Variants in ABHD6 observed in about 807,000 individuals in gnomAD.
ABHD6 encodes monoacylglycerol lipase ABHD6.
Under a neutral mutation model 38.8 loss-of-function variants are expected in ABHD6, and 33 were observed. That is an observed-to-expected ratio of 0.85 (90% CI 0.64 to 1.14). The LOEUF is 1.14. Among genes scored for constraint, ABHD6 ranks in the 50% most tolerant of loss-of-function variants. The probability of loss-of-function intolerance (pLI) is 0.00; values close to 1 mark genes in which losing one functional copy is unlikely to be tolerated. For synonymous variants in ABHD6, 147 were observed against 161.6 expected (o/e 0.91, Z 0.69); for missense variants, 380 against 422.6 (o/e 0.90, Z 0.88).
chr3:58,264,387 G>T, intron 3 of ABHD6, among the ~76,000 whole-genome samples: 1 of 132,322 alleles, frequency 7.6e-6, no homozygotes, highest in African/African-American at 2.9e-5. Flanking sequence ...TTATATAAAC[G>T]CACACACACA....
chr3:58,240,622 T>C (rs2097422121), intron 1 of ABHD6, among the ~76,000 whole-genome samples: 1 of 151,994 alleles, frequency 6.6e-6, no homozygotes, highest in Non-Finnish European at 1.5e-5. Context: ...TGGAGTGCAG[T>C]GGAGCAATCT....
In ABHD6 at chr3:58,251,773, G is replaced by A. The variant is rs566700557; in HGVS notation, c.-26+1831G>A. Among the ~76,000 whole-genome samples, 1 of 152,146 alleles carries A rather than the reference G, an allele frequency of 6.6e-6. No individual in the cohort carries two copies. Among genetic ancestry groups the A allele is most frequent in the Admixed American group, 6.5e-5 (1 of 15,278 alleles). ...TGTGCCGCAGTGTCTTTAACCCTGG[G>A]GTGCCTCACTTTACACGATAAATAG... On this transcript the variant is annotated intron_variant, in intron 2 of 9. Coordinates refer to ENST00000478253, the MANE Select transcript of ABHD6 (RefSeq NM_001320126.2). The surrounding 1 kb of genome is among the most constrained non-coding windows in gnomAD (Gnocchi z 5.4).
At chr3:58,278,686 T>C (rs1426136968) in intron 7 of ABHD6, among the ~76,000 whole-genome samples, 2 of 152,236 alleles carry the variant, frequency 1.3e-5, no homozygotes, top group African/African-American at 4.8e-5. Context: ...CTTTTAATTG[T>C]GATGTTAGGG....
chr3:58,278,002 T>C (rs558586093), intron 7 of ABHD6, among the ~76,000 whole-genome samples: 3 of 152,196 alleles, frequency 2.0e-5, no homozygotes, highest in Non-Finnish European at 4.4e-5. Flanking sequence ...CTGGATTCGG[T>C]TTGCCAGTAT....
intron 6 of ABHD6, among the ~76,000 whole-genome samples, chr3:58,272,527 CGAAGA>C (rs563099976): frequency 1.1e-4 from 16 of 152,100 alleles, no homozygotes; most frequent in Non-Finnish European, 2.2e-4. Flanking sequence ...ACATTGAAAT[CGAAGA>C]GAAGACACCA....
chr3:58,248,440 G>A (rs1359589544), intron 1 of ABHD6, among the ~76,000 whole-genome samples: 3 of 152,194 alleles, frequency 2.0e-5, no homozygotes, highest in Non-Finnish European at 2.9e-5. Flanking sequence ...GCTCACGCCT[G>A]TAATCCCAGC....
chr3:58,256,108 C>G lies in ABHD6; in HGVS notation c.-25-454C>G, dbSNP rs71619229. On this transcript the variant is annotated intron_variant, in intron 2 of 9. Coordinates refer to ENST00000478253, the MANE Select transcript of ABHD6 (RefSeq NM_001320126.2). This position sits in a 1 kb window ranked among gnomAD's most constrained non-coding sequence, Gnocchi z 4.3. ...ACACACACACACACACACACACACACATACACACACTACTTTTTCTCTCCT... is the reference window on the plus strand; with the variant it reads ...ACACACACACACACACACACACACAGATACACACACTACTTTTTCTCTCCT... Among the ~76,000 whole-genome samples the G allele has an allele frequency of 1.5e-5, 1 of 64,550 alleles. No individual in the cohort carries two copies. The highest frequency in any genetic ancestry group is 2.8e-5 in the Non-Finnish European group (1 of 35,804). 42.3% of individuals were successfully genotyped at this position (64,550 alleles called of 152,430 possible). A position where few individuals can be genotyped will look rare whatever the true frequency, so the allele number is the denominator to read the frequency against.
chr3:58,288,470 T>C (rs1302432003), intron 9 of ABHD6, among the ~76,000 whole-genome samples: 1 of 152,164 alleles, frequency 6.6e-6, no homozygotes, highest in Non-Finnish European at 1.5e-5. Flanking sequence ...GGGAGGGCCA[T>C]CTAGAGACAG....
chr3:58,288,466 G>A (rs1441101606), intron 9 of ABHD6, among the ~76,000 whole-genome samples: 2 of 152,160 alleles, frequency 1.3e-5, no homozygotes, highest in Non-Finnish European at 2.9e-5. Flanking sequence ...AAATGGGAGG[G>A]CCATCTAGAG....
rs914676849 is a variant in ABHD6, at chr3:58,273,550, A to G, written c.524-1108A>G. Among the ~76,000 whole-genome samples, 2 of 152,206 alleles carry G rather than the reference A, an allele frequency of 1.3e-5. No individual in the cohort carries two copies. The highest frequency in any genetic ancestry group is 4.8e-5 in the African/African-American group (2 of 41,442). ...CCATGGAATACTATGCAGCCATAAA[A>G]AAGAATGATTTCATGTCCTTTGCAA... On this transcript the variant is annotated intron_variant, in intron 6 of 9. Transcript: ENST00000478253. The surrounding 1 kb of genome is among the most constrained non-coding windows in gnomAD (Gnocchi z 4.8).
At chr3:58,284,874 T>TATA (rs745341481) in intron 7 of ABHD6, among the ~76,000 whole-genome samples, 53 of 152,096 alleles carry the variant, frequency 3.5e-4, no homozygotes, top group Admixed American at 1.7e-3. Flanking sequence ...CAAGTTCCTT[T>TATA]ATAATAATAA....
intron 3 of ABHD6, among the ~76,000 whole-genome samples, chr3:58,258,162 C>G (rs949951629): frequency 6.6e-6 from 1 of 151,998 alleles, no homozygotes; most frequent in Admixed American, 6.6e-5. Context: ...ACAAAATTAG[C>G]TAGGCGTGGT....
In ABHD6 at chr3:58,257,543, A is replaced by G. The variant is rs1041140370; in HGVS notation, c.119+838A>G. On this transcript the variant is annotated intron_variant, in intron 3 of 9. Transcript: ENST00000478253. The surrounding 1 kb of genome is among the most constrained non-coding windows in gnomAD (Gnocchi z 4.8). ...ATGCCTAGCTAATTTTTATATTTTTAGTAGAGACAGGCTTTTGCCGTATTG... is the reference window on the plus strand; with the variant it reads ...ATGCCTAGCTAATTTTTATATTTTTGGTAGAGACAGGCTTTTGCCGTATTG... 2.0e-5 allele frequency among the ~76,000 whole-genome samples: 3 copies of G among 152,058 alleles called. No homozygotes were observed. Among genetic ancestry groups the G allele is most frequent in the African/African-American group, 7.2e-5 (3 of 41,464 alleles).
rs2097444530 is a variant in ABHD6, at chr3:58,271,064, G to C, written c.523G>C (p.Gly175Arg). Residue 175 changes from glycine (G) to arginine (R), a missense_variant and splice_region_variant, in exon 6 of 10, where the codon GGC becomes CGC. Transcript: ENST00000478253. Reference sequence around the variant, plus strand: ...CAGCCTGTGTCTCGTGTGTCCTGCTGGTAAGTTATGAAGCTGAAACATCCC... The same window carrying C: ...CAGCCTGTGTCTCGTGTGTCCTGCTCGTAAGTTATGAAGCTGAAACATCCC... ...VSSLCLVCPAGLQYSTDNQFV... is the reference protein window; with the variant it reads ...VSSLCLVCPARLQYSTDNQFV... 1 of 1,594,548 alleles carries C rather than the reference G, an allele frequency of 6.3e-7. No homozygotes were observed.
rs1443511241 is a variant in ABHD6, at chr3:58,274,778, A to G, written c.644A>G (p.Gln215Arg). 1 of 1,614,110 alleles carries G rather than the reference A, an allele frequency of 6.2e-7. No individual in the cohort carries two copies. The highest frequency in any genetic ancestry group is 1.3e-5 in the African/African-American group (1 of 74,950). Residue 215 changes from glutamine to arginine, a missense_variant, in exon 7 of 10, where the codon CAG becomes CGG. Transcript: ENST00000478253. Reference protein sequence around the residue: ...STPEEMSEMLQLCSYVRFKVP... With the variant: ...STPEEMSEMLRLCSYVRFKVP... ...CCAGAAGAGATGAGTGAAATGCTTCAGCTCTGCTCCTATGTCCGCTTCAAG... is the reference window on the plus strand; with the variant it reads ...CCAGAAGAGATGAGTGAAATGCTTCGGCTCTGCTCCTATGTCCGCTTCAAG...
rs538625072 is a variant in ABHD6 at position 58,284,983 on chromosome 3, A to G, written c.682-102A>G. The G allele has an allele frequency of 1.3e-4, 138 of 1,093,728 alleles. 2 individuals carry two copies. Among genetic ancestry groups the G allele is most frequent in the Non-Finnish European group, 1.4e-4 (97 of 710,220 alleles). The allele number at this position is 1,093,728 out of a possible 1,614,324, so 67.8% of individuals were successfully genotyped here. A position where few individuals can be genotyped will look rare whatever the true frequency, so the allele number is the denominator to read the frequency against. On this transcript the variant is annotated intron_variant, in intron 7 of 9. Transcript: ENST00000478253. ...AGGCTCTAAAGACCTTGACAGTGCAATAAATTGCTGGACCTCATTCCCATT... is the reference window on the plus strand; with the variant it reads ...AGGCTCTAAAGACCTTGACAGTGCAGTAAATTGCTGGACCTCATTCCCATT...
rs547932855 is a variant in ABHD6 at position 58,280,935 on chromosome 3, G to A, written c.682-4150G>A. ...TATCACCAGCGGAGTCTGCAGAACA[G>A]CAAATATTGCTGCCTGATCCTTCCT... On this transcript the variant is annotated intron_variant, in intron 7 of 9. Transcript: ENST00000478253. 2.6e-5 allele frequency among the ~76,000 whole-genome samples: 4 copies of A among 152,302 alleles called. No homozygotes were observed. The South Asian group carries it at 8.3e-4, about 32-fold the overall frequency.
intron 1 of ABHD6, among the ~76,000 whole-genome samples, chr3:58,248,640 G>A (rs1310433010): frequency 1.3e-5 from 2 of 152,210 alleles, no homozygotes; most frequent in East Asian, 1.9e-4. Flanking sequence ...GGAGGTTGCG[G>A]TGAGCTGAGA....
chr3:58,282,769 G>A (rs1162358439), intron 7 of ABHD6, among the ~76,000 whole-genome samples: 3 of 152,038 alleles, frequency 2.0e-5, no homozygotes, highest in African/African-American at 7.2e-5. Context: ...AACAGAGGTA[G>A]TATATTCTGA....
Sources: allele counts gnomAD v4.1 joint callset (sites outside exome capture counted in the v4.1 genomes callset), GRCh38; gene constraint gnomAD v4.1.1; non-coding constraint Gnocchi (gnomAD v3.1); transcripts MANE v1.5; gene names NCBI Gene and HGNC (gene_info 2026-07-23, HGNC 2026-07-21).